Variants in TNIK observed in about 807,000 individuals in gnomAD.
TNIK encodes TRAF2 and NCK interacting kinase.
TNIK carries 49 observed loss-of-function variants against 191.3 expected under a neutral mutation model. The observed-to-expected ratio is 0.26, with a 90% CI of 0.20 to 0.32. The LOEUF (loss-of-function observed/expected upper bound fraction) is 0.32. Among genes scored for constraint, TNIK ranks in the 10% least tolerant of loss-of-function variants. The probability of loss-of-function intolerance (pLI) is 1.00; values close to 1 mark genes in which losing one functional copy is unlikely to be tolerated. For synonymous variants in TNIK, 594 were observed against 600.9 expected, an observed-to-expected ratio of 0.99 and a Z score of 0.17; for missense variants, 1,155 against 1,702.3, an observed-to-expected ratio of 0.68 and a Z score of 5.66.
intron 22 of TNIK, among the ~76,000 whole-genome samples, chr3:171,096,703 T>A (rs1402665649): frequency 1.3e-5 from 2 of 152,156 alleles, no homozygotes; most frequent in African/African-American, 4.8e-5. Flanking sequence ...TTGCCCTTTG[T>A]GCATCTCTAC....
chr3:171,218,932 TTATA>T (rs1289891569), intron 3 of TNIK, among the ~76,000 whole-genome samples: 13 of 133,126 alleles, frequency 9.8e-5, no homozygotes, highest in African/African-American at 3.7e-4. Context: ...TTTATATGTT[TTATA>T]TATATTTAAT....
chr3:171,102,430 G>C (rs1576810879), intron 21 of TNIK, among the ~76,000 whole-genome samples: 1 of 152,188 alleles, frequency 6.6e-6, no homozygotes, highest in East Asian at 1.9e-4. Context: ...TTATGGATGT[G>C]ATGATGTGGT....
chr3:171,342,880 T>C (rs1164029766), intron 2 of TNIK, among the ~76,000 whole-genome samples: 2 of 152,146 alleles, frequency 1.3e-5, no homozygotes, highest in Non-Finnish European at 1.5e-5. Flanking sequence ...GTTTTTCCCA[T>C]GCTGTTCTTG....
Position 171,087,409 on chromosome 3 carries a change from G to T in TNIK, c.2819C>A (p.Ala940Asp). 6.2e-7 allele frequency: 1 copy of T among 1,613,998 alleles called. No homozygotes were observed. Reference sequence around the variant, plus strand: ...CCCCAGTCCCTCAGTCGGGGTTCCAGCTGGAGAATGGCTCTGCTGCACCAG... The same window carrying T: ...CCCCAGTCCCTCAGTCGGGGTTCCATCTGGAGAATGGCTCTGCTGCACCAG... ...PDLVQQSHSP[A>D]GTPTEGLGRV... The change falls in exon 24 of 33, where the codon GCT (alanine) becomes GAT (aspartate). Residue 940 changes from alanine (A) to aspartate (D), a missense_variant. Around this residue, in one of 3 missense-constraint regions of TNIK, gnomAD observed 735 missense variants for 848.0 expected, o/e 0.87. Transcript: ENST00000436636.
chr3:171,137,927 TG>T (rs1167450248), intron 15 of TNIK, among the ~76,000 whole-genome samples: 2 of 149,590 alleles, frequency 1.3e-5, no homozygotes, highest in African/African-American at 4.9e-5. Context: ...TTCTATCTTC[TG>T]TTATTTCCTA....
intron 8 of TNIK, among the ~76,000 whole-genome samples, chr3:171,175,829 G>A (rs1242804495): frequency 6.6e-6 from 1 of 152,150 alleles, no homozygotes; most frequent in Non-Finnish European, 1.5e-5. Context: ...CAGCCCCAGA[G>A]CCCCATTTTC....
chr3:171,100,140 T>C (rs1198513697), intron 22 of TNIK, among the ~76,000 whole-genome samples: 1 of 152,206 alleles, frequency 6.6e-6, no homozygotes, highest in Non-Finnish European at 1.5e-5. Context: ...TCAAAACATC[T>C]GTCAGAAGAA....
chr3:171,421,331 C>A (rs1054109628), intron 1 of TNIK, among the ~76,000 whole-genome samples: 5 of 152,182 alleles, frequency 3.3e-5, no homozygotes, highest in African/African-American at 1.2e-4. Context: ...GCCTGACTGG[C>A]AGAACTGACC....
chr3:171,152,496 T>C (rs1164212282), intron 12 of TNIK, among the ~76,000 whole-genome samples: 2 of 152,092 alleles, frequency 1.3e-5, no homozygotes, highest in African/African-American at 4.8e-5. Context: ...TTATATCCAT[T>C]TTTCTGGTTA....
intron 1 of TNIK, among the ~76,000 whole-genome samples, chr3:171,425,393 T>C (rs1724415361): frequency 6.6e-6 from 1 of 152,194 alleles, no homozygotes; most frequent in Admixed American, 6.5e-5. Flanking sequence ...ATCTACAGAT[T>C]TATTTACCAT....
At chr3:171,240,177 C>T (rs542439787) in intron 2 of TNIK, among the ~76,000 whole-genome samples, 2 of 152,206 alleles carry the variant, frequency 1.3e-5, no homozygotes, top group South Asian at 2.1e-4. Flanking sequence ...CAGTTTAGGT[C>T]GACTCATCAG....
intron 2 of TNIK, among the ~76,000 whole-genome samples, chr3:171,351,551 T>C (rs1011892779): frequency 1.1e-4 from 17 of 152,224 alleles, no homozygotes; most frequent in Non-Finnish European, 2.2e-4. Context: ...TTTTCTCATT[T>C]TAATATGAAA....
At chr3:171,312,627 C>CT (rs1210090240) in intron 2 of TNIK, among the ~76,000 whole-genome samples, 2 of 152,086 alleles carry the variant, frequency 1.3e-5, no homozygotes, top group African/African-American at 4.8e-5. Context: ...GCTGGGGTCT[C>CT]TTTCCTGTTT....
chr3:171,099,851 A>T (rs1207013742), intron 22 of TNIK, among the ~76,000 whole-genome samples: 2 of 152,178 alleles, frequency 1.3e-5, no homozygotes, highest in East Asian at 3.9e-4. Flanking sequence ...GAACACCATT[A>T]ATAGCCTTGC....
chr3:171,137,458 A>C (rs1473598146), intron 15 of TNIK, among the ~76,000 whole-genome samples: 3 of 152,206 alleles, frequency 2.0e-5, no homozygotes, highest in Non-Finnish European at 2.9e-5. Flanking sequence ...TGTTATGCAC[A>C]TGACCTCACA....
At chr3:171,289,221 G>T (rs1404978067) in intron 2 of TNIK, among the ~76,000 whole-genome samples, 1 of 152,144 alleles carries the variant, frequency 6.6e-6, no homozygotes, top group Non-Finnish European at 1.5e-5. Context: ...CTAATTGTGT[G>T]TCCTGCCTCT....
chr3:171,347,223 A>AAG (rs1288692298), intron 2 of TNIK: 4 of 1,087,158 alleles, frequency 3.7e-6, no homozygotes, highest in Non-Finnish European at 3.7e-6. Flanking sequence ...CATTTGCTGA[A>AAG]AAAAAAAAAA....
chr3:171,207,422 C>G (rs1740234839), intron 4 of TNIK, among the ~76,000 whole-genome samples: 1 of 151,930 alleles, frequency 6.6e-6, no homozygotes, highest in South Asian at 2.1e-4. Context: ...TGGTCTCAGA[C>G]TCTTGGGCTC....
intron 3 of TNIK, among the ~76,000 whole-genome samples, chr3:171,213,118 C>T (rs1231565190): frequency 6.6e-6 from 1 of 152,112 alleles, no homozygotes; most frequent in Non-Finnish European, 1.5e-5. Context: ...CACGCCTTCA[C>T]TGCAGGTCGT....
Sources: gnomAD v4.1 joint callset for allele counts (sites outside exome capture counted in the v4.1 genomes callset) on GRCh38, gnomAD v4.1.1 for gene constraint, gnomAD v4.1.1 regional missense constraint, MANE v1.5 for transcripts, NCBI Gene and HGNC (gene_info 2026-07-23, HGNC 2026-07-21) for gene names.